Variants in SAMD9L observed in about 807,000 individuals in gnomAD.
SAMD9L encodes the protein sterile alpha motif domain-containing protein 9-like.
In SAMD9L, 68 loss-of-function variants were observed where a neutral mutation model predicts 90.7. The observed-to-expected ratio is 0.75, with a 90% confidence interval of 0.62 to 0.92. The LOEUF (loss-of-function observed/expected upper bound fraction) is 0.92. SAMD9L is among the 40% of genes least tolerant of loss of function. The pLI is 0.00. For missense variants in SAMD9L, 1,604 were observed against 1,824.3 expected, an observed-to-expected ratio of 0.88 and a Z score of 2.20; for synonymous variants, 640 against 630.1, an observed-to-expected ratio of 1.02 and a Z score of -0.23.
Position 93,134,353 on chromosome 7 carries a change from C to T in SAMD9L, c.1619G>A (p.Arg540Lys). The change falls in exon 5 of 5, where the codon AGA becomes AAA. Residue 540 changes from arginine (R) to lysine (K), a missense_variant. By Grantham distance (26) the Arg-to-Lys change is conservative. This residue lies in a region of SAMD9L where 606 missense variants were observed against 717.6 expected (regional missense o/e 0.84). Transcript: ENST00000318238. ...LFLTDENIMT[R>K]GKFLVVFLLL... ...TAGAAACACTACCAAAAATTTTCCT[C>T]TTGTCATTATATTTTCATCTGTGAG... is the stretch of plus-strand genomic sequence containing the variant. The T allele has an allele frequency of 6.2e-7, 1 of 1,611,226 alleles. No homozygotes were observed. The highest frequency in any genetic ancestry group is 8.5e-7 in the Non-Finnish European group (1 of 1,179,262).
Position 93,134,917 on chromosome 7 carries a change from A to T in SAMD9L, c.1055T>A (p.Ile352Asn), listed in dbSNP as rs1792350382. The T allele has an allele frequency of 6.2e-7, 1 of 1,613,978 alleles. No individual in the cohort carries two copies. Among genetic ancestry groups the T allele is most frequent in the Non-Finnish European group, 8.5e-7 (1 of 1,179,912 alleles). ...ATCCCGTTGCTTGGAATTGGCCAGG[A>T]TATCCCTAGAGCTAGCCCCTTCTCT... The part of the protein sequence containing the change: ...FVREGASSRD[I>N]LANSKQRDVD... Residue 352 changes from isoleucine (I) to asparagine (N), a missense_variant, in exon 5 of 5, where the codon ATC becomes AAC. Transcript: ENST00000318238.
At chr7:93,137,268 T>A (rs1396242272) in intron 4 of SAMD9L, among the ~76,000 whole-genome samples, 1 of 152,204 alleles carries the variant, frequency 6.6e-6, no homozygotes, top group Non-Finnish European at 1.5e-5. Context: ...CAAAGCTTCA[T>A]CTGTATTTAC....
chr7:93,143,960 C>T (rs910557671), intron 4 of SAMD9L, among the ~76,000 whole-genome samples: 6 of 152,152 alleles, frequency 3.9e-5, no homozygotes, highest in Non-Finnish European at 8.8e-5. Context: ...TCATGTTTAG[C>T]AAGAAGCTAC....
intron 4 of SAMD9L, among the ~76,000 whole-genome samples, chr7:93,137,497 C>T (rs1424386698): frequency 6.6e-6 from 1 of 151,986 alleles, no homozygotes; most frequent in East Asian, 1.9e-4. Flanking sequence ...GCTCAGGGCT[C>T]CCACTGAGTC....
rs1792770119 is a variant in SAMD9L, at chr7:93,143,401, GCT to G, written c.-21+1329_-21+1330del. ...ATACCATAACTGGTCCCACCTTAAT[GCT>G]CTCAGCTACCATGCTCTATTTCTCT... On this transcript the variant is annotated intron_variant, in intron 4 of 4. Transcript: ENST00000318238. 3.3e-5 allele frequency among the ~76,000 whole-genome samples: 5 copies of G among 152,118 alleles called. No homozygotes were observed. In the South Asian group the frequency reaches 1.0e-3, roughly 32 times the overall value.
intron 4 of SAMD9L, among the ~76,000 whole-genome samples, chr7:93,140,526 T>C (rs967266497): frequency 6.6e-6 from 1 of 152,180 alleles, no homozygotes; most frequent in Non-Finnish European, 1.5e-5. Flanking sequence ...CACTCTCTTA[T>C]TCTCCTAAAC....
chr7:93,131,451 C>T lies in SAMD9L; in HGVS notation c.4521G>A (p.Trp1507Ter), dbSNP rs1488365888. 6.2e-7 allele frequency: 1 copy of T among 1,613,790 alleles called. No individual in the cohort carries two copies. The highest frequency in any genetic ancestry group is 8.5e-7 in the Non-Finnish European group (1 of 1,179,832). Reference sequence around the variant, plus strand: ...TTTTTTTCCACACATCCCCACTGTGCCAGAGGGAATTTGTATTTTGTGCTT... The same window carrying T: ...TTTTTTTCCACACATCCCCACTGTGTCAGAGGGAATTTGTATTTTGTGCTT... ...FDKAQNTNSL[W>*]HSGDVWKKNE... The change falls in exon 5 of 5, where the codon TGG becomes TGA. Residue 1507 changes from tryptophan (W) to a stop codon, truncating the protein, a stop_gained. Transcript: ENST00000318238. LOFTEE classifies it high-confidence loss of function.
rs1792237343 is a variant in SAMD9L at position 93,133,430 on chromosome 7, T to A, written c.2542A>T (p.Ser848Cys). The change falls in exon 5 of 5, where the codon AGT becomes TGT. Residue 848 changes from serine (S) to cysteine (C), a missense_variant. Around this residue, in one of 7 missense-constraint regions of SAMD9L, gnomAD observed 606 missense variants for 717.6 expected, o/e 0.84. Coordinates refer to ENST00000318238, the MANE Select transcript of SAMD9L (RefSeq NM_152703.5). ...GCAATACTGTCTGCCAATTTTGCAC[T>A]TTCATCTGGATTCCGGGATCTCATG... ...NCMRSRNPDESAKLADSIALN... is the reference protein window; with the variant it reads ...NCMRSRNPDECAKLADSIALN... 6.2e-7 allele frequency: 1 copy of A among 1,613,334 alleles called. No homozygotes were observed. Among genetic ancestry groups the A allele is most frequent in the Non-Finnish European group, 8.5e-7 (1 of 1,179,338 alleles).
At position 93,135,589 on chromosome 7, in the gene SAMD9L, T is replaced by A; in HGVS notation, c.383A>T (p.Asp128Val). 1 of 1,613,970 alleles carries A rather than the reference T, an allele frequency of 6.2e-7. No individual in the cohort carries two copies. The highest frequency in any genetic ancestry group is 8.5e-7 in the Non-Finnish European group (1 of 1,179,896). The change falls in exon 5 of 5, where the codon GAT becomes GTT. Residue 128 changes from aspartate (D) to valine (V), a missense_variant. Physicochemically the swap from Asp to Val is radical, Grantham distance 152. Transcript: ENST00000318238. ...AAGAATTGATTCTTCTTGTTTGATA[T>A]CTCTGATCTCTCTGGGATCATAATC... ...NIDYDPREIR[D>V]IKQEESILMK...
intron 4 of SAMD9L, among the ~76,000 whole-genome samples, chr7:93,140,484 C>T (rs1028391677): frequency 6.6e-6 from 1 of 152,228 alleles, no homozygotes; most frequent in Non-Finnish European, 1.5e-5. Context: ...CTTTATTTCT[C>T]TGCGTTAGTC....
Position 93,134,455 on chromosome 7 carries a change from C to A in SAMD9L, c.1517G>T (p.Ser506Ile), listed in dbSNP as rs746410565. ...TGGTTCTAGAGGTTTATATGTCTCG[C>A]TTTTCAGGTCTGATCTGCCGTTGCA... ...IFCNGRSDLK[S>I]ETYKPLEPHL... The change falls in exon 5 of 5, where the codon AGC becomes ATC. Residue 506 changes from serine to isoleucine, a missense_variant. By Grantham distance (142) the Ser-to-Ile change is moderately radical. Coordinates refer to ENST00000318238, the MANE Select transcript of SAMD9L (RefSeq NM_152703.5). The A allele has an allele frequency of 6.2e-7, 1 of 1,613,976 alleles. No homozygotes were observed. Among genetic ancestry groups the A allele is most frequent in the Admixed American group, 1.7e-5 (1 of 60,000 alleles).
At position 93,133,807 on chromosome 7, in the gene SAMD9L, A is replaced by T. The variant is rs561539359; in HGVS notation, c.2165T>A (p.Ile722Lys). 2.5e-6 allele frequency: 4 copies of T among 1,613,716 alleles called. No individual in the cohort carries two copies. The Admixed American group carries it at 6.7e-5, about 27-fold the overall frequency. ...TTTAGGAGACTCTGCCCAGCAGTGT[A>T]TTAAATCTTTAAGCTTTTCATAACT... ...RDSYEKLKDL[I>K]HCWAESPKPI... Residue 722 changes from isoleucine (I) to lysine (K), a missense_variant, in exon 5 of 5, where the codon ATA (isoleucine) becomes AAA (lysine). Coordinates refer to ENST00000318238, the MANE Select transcript of SAMD9L (RefSeq NM_152703.5).
rs999339711 is a variant in SAMD9L at position 93,135,846 on chromosome 7, T to A, written c.126A>T (p.Val42=). 9.3e-6 allele frequency: 15 copies of A among 1,614,046 alleles called. No individual in the cohort carries two copies. Among genetic ancestry groups the A allele is most frequent in the Non-Finnish European group, 1.3e-5 (15 of 1,179,968 alleles). ...TTAATTCCTGCAGGACTAATCCTGTTACTTCTTCACTGAGCAGAATTTGCC... is the reference window on the plus strand; with the variant it reads ...TTAATTCCTGCAGGACTAATCCTGTAACTTCTTCACTGAGCAGAATTTGCC... ...QYGQILLSEE[V]TGLVLQELTE... Residue 42 remains valine (V), a synonymous_variant, in exon 5 of 5, where the codon GTA becomes GTT. Coordinates refer to ENST00000318238, the MANE Select transcript of SAMD9L (RefSeq NM_152703.5).
Position 93,131,754 on chromosome 7 carries a change from T to C in SAMD9L, c.4218A>G (p.Leu1406=). 6.2e-7 allele frequency: 1 copy of C among 1,613,838 alleles called. No homozygotes were observed. The highest frequency in any genetic ancestry group is 8.5e-7 in the Non-Finnish European group (1 of 1,179,846). ...NSKLIQPLTT[L]KKQLREVLQF... ...GCAAGACCTCTCGGAGTTGTTTTTT[T>C]AGCGTGGTAAGTGGTTGAATTAACT... The change falls in exon 5 of 5, where the codon CTA becomes CTG. Residue 1406 remains leucine (L), a synonymous_variant. Coordinates refer to ENST00000318238, the MANE Select transcript of SAMD9L (RefSeq NM_152703.5).
Position 93,131,776 on chromosome 7 carries a change from A to G in SAMD9L, c.4196T>C (p.Leu1399Ser), listed in dbSNP as rs1378933257. The G allele has an allele frequency of 6.2e-7, 1 of 1,613,578 alleles. No homozygotes were observed. Among genetic ancestry groups the G allele is most frequent in the Admixed American group, 1.7e-5 (1 of 59,938 alleles). ...TTTTAGCGTGGTAAGTGGTTGAATT[A>G]ACTTGGAGTTGGGCTTTAGACAACT... Reference protein sequence around the residue: ...ILSCLKPNSKLIQPLTTLKKQ... With the variant: ...ILSCLKPNSKSIQPLTTLKKQ... Residue 1399 changes from leucine to serine, a missense_variant, in exon 5 of 5, where the codon TTA becomes TCA. Physicochemically the swap from Leu to Ser is moderately radical, Grantham distance 145. Around this residue, in one of 7 missense-constraint regions of SAMD9L, gnomAD observed 282 missense variants for 329.6 expected, o/e 0.86. Coordinates refer to ENST00000318238, the MANE Select transcript of SAMD9L (RefSeq NM_152703.5).
chr7:93,136,932 G>C (rs1792478442), intron 4 of SAMD9L, among the ~76,000 whole-genome samples: 1 of 152,138 alleles, frequency 6.6e-6, no homozygotes, highest in Admixed American at 6.5e-5. Context: ...TTAAGGTGTG[G>C]TCTCCAAACT....
At position 93,130,660 on chromosome 7, in the gene SAMD9L, A is replaced by T. The variant is rs943328215; in HGVS notation, c.*557T>A. On this transcript the variant is annotated 3_prime_UTR_variant, in exon 5 of 5. Coordinates refer to ENST00000318238, the MANE Select transcript of SAMD9L (RefSeq NM_152703.5). ...TGGGAGAAGGGCAAGGGGTACAAGGAGTGTGTGTGTGTGTGTGTGTGTGTG... is the reference window on the plus strand; with the variant it reads ...TGGGAGAAGGGCAAGGGGTACAAGGTGTGTGTGTGTGTGTGTGTGTGTGTG... The T allele has an allele frequency of 1.1e-3, 156 of 136,510 alleles. No individual in the cohort carries two copies. Among genetic ancestry groups the T allele is most frequent in the Non-Finnish European group, 2.1e-3 (132 of 62,514 alleles). 8.5% of individuals were successfully genotyped at this position (136,510 alleles called of 1,614,324 possible).
rs1353420708 is a variant in SAMD9L at position 93,132,751 on chromosome 7, C to T, written c.3221G>A (p.Gly1074Glu). 1.2e-6 allele frequency: 2 copies of T among 1,613,736 alleles called. No individual in the cohort carries two copies. Among genetic ancestry groups the T allele is most frequent in the Non-Finnish European group, 1.7e-6 (2 of 1,179,800 alleles). Reference sequence around the variant, plus strand: ...TGCATTTTGTGGGAATCGTCTACTTCCTGCACTCAAGACCTTTTCAATGTC... The same window carrying T: ...TGCATTTTGTGGGAATCGTCTACTTTCTGCACTCAAGACCTTTTCAATGTC... Reference protein sequence around the residue: ...NKDIEKVLSAGSRRFPQNAFI... With the variant: ...NKDIEKVLSAESRRFPQNAFI... The change falls in exon 5 of 5, where the codon GGA becomes GAA. Residue 1074 changes from glycine to glutamate, a missense_variant. Transcript: ENST00000318238.
chr7:93,138,758 A>G (rs906032661), intron 4 of SAMD9L, among the ~76,000 whole-genome samples: 3 of 152,174 alleles, frequency 2.0e-5, no homozygotes, highest in Non-Finnish European at 4.4e-5. Flanking sequence ...TGGGCCTGCC[A>G]TAGAGTACTC....
Sources: gnomAD v4.1 joint callset for allele counts (sites outside exome capture counted in the v4.1 genomes callset) on GRCh38, gnomAD v4.1.1 for gene constraint, gnomAD v4.1.1 regional missense constraint, MANE v1.5 for transcripts, NCBI Gene and HGNC (gene_info 2026-07-23, HGNC 2026-07-21) for gene names.